Variants in MYADML2 observed in about 807,000 individuals in gnomAD.
MYADML2 encodes the protein myeloid associated differentiation marker like 2.
Under a neutral mutation model 16.0 loss-of-function variants are expected in MYADML2, and 17 were observed. The observed-to-expected ratio is 1.06, with a 90% CI of 0.73 to 1.60. The LOEUF is 1.60. Among genes scored for constraint, MYADML2 ranks in the 40% most tolerant of loss-of-function variants. MYADML2 has a pLI of 0.00. For missense variants in MYADML2, 422 were observed against 437.7 expected (o/e 0.96, Z 0.32); for synonymous variants, 210 against 208.1 (o/e 1.01, Z -0.08).
chr17:81,943,372 A>G (rs28758308), intron 1 of MYADML2, among the ~76,000 whole-genome samples: 77,136 of 149,570 alleles, frequency 0.52, 20,856 homozygotes, highest in Non-Finnish European at 0.61. Context: ...CCCGGCCGGA[A>G]AAAATGATTT....
Position 81,940,717 on chromosome 17 carries a change from C to G in MYADML2, c.*101G>C. ...TTCATCTCCCCTGAGCCCGCGGCTTCCCTCCTGCTCGCTACTTGACACTTT... is the reference window on the plus strand; with the variant it reads ...TTCATCTCCCCTGAGCCCGCGGCTTGCCTCCTGCTCGCTACTTGACACTTT... On this transcript the variant is annotated 3_prime_UTR_variant, in exon 3 of 3. Transcript: ENST00000409745. 7.6e-7 allele frequency: 1 copy of G among 1,307,254 alleles called. No individual in the cohort carries two copies. The highest frequency in any genetic ancestry group is 2.5e-5 in the East Asian group (1 of 39,450). 81.0% of individuals were successfully genotyped at this position (1,307,254 alleles called of 1,614,324 possible).
chr17:81,941,709 C>T lies in MYADML2; in HGVS notation c.33G>A (p.Ala11=), dbSNP rs372872085. MGSTMEPPGG[A]YLHLGAVTSP... ...ATGTCACGGCGCCCAGGTGCAGGTA[C>T]GCACCCCCAGGGGGCTCCATGGTGC... Residue 11 remains alanine, a synonymous_variant, in exon 3 of 3, where the codon GCG becomes GCA. Transcript: ENST00000409745. 6 of 1,539,514 alleles carry T rather than the reference C, an allele frequency of 3.9e-6. No individual in the cohort carries two copies. The highest frequency in any genetic ancestry group is 3.6e-5 in the South Asian group (3 of 82,996).
chr17:81,946,610 T>G (rs2041349455), intron 1 of MYADML2, among the ~76,000 whole-genome samples: 1 of 151,946 alleles, frequency 6.6e-6, no homozygotes, highest in African/African-American at 2.4e-5. Context: ...ATCGCGCCAC[T>G]GCACTCCAGC....
chr17:81,940,179 G>A lies in MYADML2; in HGVS notation c.*639C>T, dbSNP rs907030246. Reference sequence around the variant, plus strand: ...CTACCAGCCCAGAGGCTTCCCGGACGTGGGTGGGAGAGGCTGGTCCAGATT... The same window carrying A: ...CTACCAGCCCAGAGGCTTCCCGGACATGGGTGGGAGAGGCTGGTCCAGATT... On this transcript the variant is annotated 3_prime_UTR_variant, in exon 3 of 3. Transcript: ENST00000409745. 2 of 152,344 alleles carry A rather than the reference G, an allele frequency of 1.3e-5. No homozygotes were observed. The highest frequency in any genetic ancestry group is 1.9e-4 in the East Asian group (1 of 5,198). 9.4% of individuals were successfully genotyped at this position (152,344 alleles called of 1,614,324 possible).
rs1198997648 is a variant in MYADML2, at chr17:81,943,294, A to C, written c.-180-921T>G. ...CCATGTTAGCCAGGATGGTCTCGAT[A>C]TCCTGACCTCGTGATCCACCTGCCT... On this transcript the variant is annotated intron_variant, in intron 1 of 2. Coordinates refer to ENST00000409745, the MANE Select transcript of MYADML2 (RefSeq NM_001145113.3). 1.2e-4 allele frequency among the ~76,000 whole-genome samples: 17 copies of C among 141,124 alleles called. No individual in the cohort carries two copies. In the Middle Eastern group the frequency reaches 0.014, roughly 115 times the overall value. The allele number at this position is 141,124 out of a possible 152,430, so 92.6% of individuals were successfully genotyped here. A position where few individuals can be genotyped will look rare whatever the true frequency, so the allele number is the denominator to read the frequency against.
intron 1 of MYADML2, among the ~76,000 whole-genome samples, chr17:81,945,954 G>A (rs2041341223): frequency 6.6e-6 from 1 of 152,094 alleles, no homozygotes; most frequent in South Asian, 2.1e-4. Context: ...ACTGGAGGAG[G>A]GGCCATGGGA....
intron 1 of MYADML2, among the ~76,000 whole-genome samples, chr17:81,943,305 G>T (rs934727995): frequency 6.7e-6 from 1 of 150,352 alleles, no homozygotes; most frequent in Non-Finnish European, 1.5e-5. Flanking sequence ...TCCTGACCTC[G>T]TGATCCACCT....
chr17:81,943,397 TTTC>T (rs2143924024), intron 1 of MYADML2, among the ~76,000 whole-genome samples: 1 of 149,156 alleles, frequency 6.7e-6, no homozygotes, highest in East Asian at 2.0e-4. Flanking sequence ...CTAATTTTTT[TTTC>T]TTTTTTTCTT....
Position 81,941,205 on chromosome 17 carries a change from G to T in MYADML2, c.537C>A (p.Phe179Leu), listed in dbSNP as rs1029756332. ...IVQAFVACII[F>L]GALVHDSRYG... ...AGCGGCTGTCATGGACCAGCGCCCCGAAGATGATGCAGGCCACGAAGGCCT... is the reference window on the plus strand; with the variant it reads ...AGCGGCTGTCATGGACCAGCGCCCCTAAGATGATGCAGGCCACGAAGGCCT... The change falls in exon 3 of 3, where the codon TTC (phenylalanine) becomes TTA (leucine). Residue 179 changes from phenylalanine (F) to leucine (L), a missense_variant. Physicochemically the swap from Phe to Leu is conservative, Grantham distance 22. Transcript: ENST00000409745. 5.8e-6 allele frequency: 9 copies of T among 1,550,052 alleles called. No individual in the cohort carries two copies. Among genetic ancestry groups the T allele is most frequent in the Non-Finnish European group, 7.0e-6 (8 of 1,146,930 alleles).
rs1314858905 is a variant in MYADML2, at chr17:81,945,355, C to T, written c.-181+1704G>A. Among the ~76,000 whole-genome samples, 26 of 152,004 alleles carry T rather than the reference C, an allele frequency of 1.7e-4. No individual in the cohort carries two copies. In the South Asian group the frequency reaches 1.9e-3, roughly 11 times the overall value. ...GAGATCGAGACCATCCTGGCTAACA[C>T]AGTGAAACCCCATCTCTACTAAAAA... On this transcript the variant is annotated intron_variant, in intron 1 of 2. Coordinates refer to ENST00000409745, the MANE Select transcript of MYADML2 (RefSeq NM_001145113.3).
rs1316399834 is a variant in MYADML2 at position 81,941,004 on chromosome 17, G to A, written c.738C>T (p.Ala246=). ...CGAAACAGAAGACTGGCCAGATCACGGCGGCGCTGAGGTACAGGAGCACAG... is the reference window on the plus strand; with the variant it reads ...CGAAACAGAAGACTGGCCAGATCACAGCGGCGCTGAGGTACAGGAGCACAG... ...FLAVLLYLSA[A]VIWPVFCFDP... is the part of the protein sequence containing the mutation. The change falls in exon 3 of 3, where the codon GCC becomes GCT. Residue 246 remains alanine, a synonymous_variant. Coordinates refer to ENST00000409745, the MANE Select transcript of MYADML2 (RefSeq NM_001145113.3). 5 of 1,550,440 alleles carry A rather than the reference G, an allele frequency of 3.2e-6. No homozygotes were observed. The highest frequency in any genetic ancestry group is 2.0e-5 in the Admixed American group (1 of 50,982).
In MYADML2 at chr17:81,940,717, C is replaced by A; in HGVS notation, c.*101G>T. ...TTCATCTCCCCTGAGCCCGCGGCTT[C>A]CCTCCTGCTCGCTACTTGACACTTT... On this transcript the variant is annotated 3_prime_UTR_variant, in exon 3 of 3. Transcript: ENST00000409745. 7.6e-7 allele frequency: 1 copy of A among 1,307,254 alleles called. No individual in the cohort carries two copies. The highest frequency in any genetic ancestry group is 1.0e-6 in the Non-Finnish European group (1 of 970,254). 81.0% of individuals were successfully genotyped at this position (1,307,254 alleles called of 1,614,324 possible).
intron 1 of MYADML2, among the ~76,000 whole-genome samples, chr17:81,944,337 AC>A (rs932288381): frequency 4.6e-5 from 7 of 151,646 alleles, no homozygotes; most frequent in African/African-American, 1.7e-4. Context: ...AATGGCGTGA[AC>A]CTGGGAGGCG....
rs570259805 is a variant in MYADML2 at position 81,942,008 on chromosome 17, C to A, written c.-102-165G>T. ...AGAGAGACATCTGACCCCTGGTCCC[C>A]TGTGGAGCCCCTGCCGGGACCATTA... On this transcript the variant is annotated intron_variant, in intron 2 of 2. Coordinates refer to ENST00000409745, the MANE Select transcript of MYADML2 (RefSeq NM_001145113.3). This position sits in a 1 kb window ranked among gnomAD's most constrained non-coding sequence, Gnocchi z 4.4. 4 of 409,048 alleles carry A rather than the reference C, an allele frequency of 9.8e-6. No individual in the cohort carries two copies. The highest frequency in any genetic ancestry group is 7.4e-5 in the East Asian group (2 of 27,062). 25.3% of individuals were successfully genotyped at this position (409,048 alleles called of 1,614,324 possible).
chr17:81,945,567 TGGCACATGC>T (rs1488999894), intron 1 of MYADML2, among the ~76,000 whole-genome samples: 2 of 149,410 alleles, frequency 1.3e-5, no homozygotes, highest in Non-Finnish European at 3.0e-5. Flanking sequence ...CTAAGTGTAG[TGGCACATGC>T]CTGTAATCTC....
intron 1 of MYADML2, among the ~76,000 whole-genome samples, chr17:81,944,028 C>T (rs1187279896): frequency 2.0e-5 from 3 of 151,452 alleles, no homozygotes; most frequent in Admixed American, 1.3e-4. Context: ...AGAAGAATCG[C>T]TTGAACTCAG....
At position 81,942,643 on chromosome 17, in the gene MYADML2, C is replaced by T. The variant is rs1353856573; in HGVS notation, c.-180-270G>A. On this transcript the variant is annotated intron_variant, in intron 1 of 2. Transcript: ENST00000409745. The surrounding 1 kb of genome is among the most constrained non-coding windows in gnomAD (Gnocchi z 4.4). ...AGTGCAATGGCGCGATCTCGGCTCC[C>T]AGGTTCAAGCAATTATCCTGCCTCA... 1.3e-5 allele frequency among the ~76,000 whole-genome samples: 2 copies of T among 152,176 alleles called. No individual in the cohort carries two copies. The highest frequency in any genetic ancestry group is 1.3e-4 in the Admixed American group (2 of 15,278).
intron 1 of MYADML2, among the ~76,000 whole-genome samples, chr17:81,945,780 C>T (rs190727881): frequency 1.0e-4 from 15 of 150,564 alleles, no homozygotes; most frequent in Admixed American, 9.2e-4. Flanking sequence ...GGTGGGAGGA[C>T]TGCTTAATCC....
At position 81,941,594 on chromosome 17, in the gene MYADML2, G is replaced by A. The variant is rs1268228814; in HGVS notation, c.148C>T (p.Gln50Ter). 6.5e-7 allele frequency: 1 copy of A among 1,548,640 alleles called. No homozygotes were observed. Among genetic ancestry groups the A allele is most frequent in the Admixed American group, 2.0e-5 (1 of 51,010 alleles). The change falls in exon 3 of 3, where the codon CAG becomes TAG. Residue 50 changes from glutamine to a stop codon, truncating the protein, a stop_gained. Coordinates refer to ENST00000409745, the MANE Select transcript of MYADML2 (RefSeq NM_001145113.3). LOFTEE classifies it high-confidence loss of function. ...CAGGCGGCCATGCAGAAGGTGCCCT[G>A]GACGCCCGCAAAGCCACCCCGGTGG... ...VAHRGGFAGV[Q>*]GTFCMAAWGF...
Sources: gnomAD v4.1 joint callset for allele counts (sites outside exome capture counted in the v4.1 genomes callset) on GRCh38, gnomAD v4.1.1 for gene constraint, Gnocchi (gnomAD v3.1) non-coding constraint, MANE v1.5 for transcripts, NCBI Gene and HGNC (gene_info 2026-07-23, HGNC 2026-07-21) for gene names.